The following C12orf56 variants were observed in gnomAD, a reference collection of about 807,000 sequenced individuals.
C12orf56 encodes the protein chromosome 12 open reading frame 56.
In C12orf56, 71 loss-of-function variants were observed where a neutral mutation model predicts 69.9. The ratio of observed to expected loss-of-function variants is 1.02; its 90% CI spans 0.84 to 1.24. The LOEUF (loss-of-function observed/expected upper bound fraction) is 1.24. Ranked by LOEUF, C12orf56 falls within the 50% of genes most tolerant of loss-of-function variation. The probability of loss-of-function intolerance (pLI) is 0.00; values close to 1 mark genes in which losing one functional copy is unlikely to be tolerated. For synonymous variants in C12orf56, 276 were observed against 274.1 expected, an observed-to-expected ratio of 1.01 and a Z score of -0.07; for missense variants, 732 against 738.5, an observed-to-expected ratio of 0.99 and a Z score of 0.10.
intron 1 of C12orf56, among the ~76,000 whole-genome samples, chr12:64,385,927 C>T (rs534320634): frequency 1.2e-4 from 18 of 152,190 alleles, no homozygotes; most frequent in Admixed American, 2.6e-4. Context: ...AGAATCCTCC[C>T]GAGGTGGGAG....
At chr12:64,284,214 C>T (rs1016861560) in intron 8 of C12orf56, among the ~76,000 whole-genome samples, 6 of 152,062 alleles carry the variant, frequency 3.9e-5, no homozygotes, top group Admixed American at 2.0e-4. Context: ...GTCTTTATTA[C>T]AGCAGCTCAC....
intron 6 of C12orf56, among the ~76,000 whole-genome samples, chr12:64,296,996 AT>A (rs1389060392): frequency 2.6e-5 from 4 of 151,980 alleles, no homozygotes; most frequent in African/African-American, 9.7e-5. Context: ...TCAGAAGTAC[AT>A]TCATATTCTT....
At chr12:64,276,550 G>T (rs2038053350) in intron 9 of C12orf56, among the ~76,000 whole-genome samples, 1 of 152,082 alleles carries the variant, frequency 6.6e-6, no homozygotes, top group African/African-American at 2.4e-5. Flanking sequence ...TATACAGTCT[G>T]TAATTATATA....
At chr12:64,300,512 C>G (rs1419567406) in intron 6 of C12orf56, among the ~76,000 whole-genome samples, 1 of 152,144 alleles carries the variant, frequency 6.6e-6, no homozygotes, top group African/African-American at 2.4e-5. Context: ...CACTTTAAAT[C>G]CAGTCCCTGA....
chr12:64,285,139 A>G, intron 7 of C12orf56, among the ~76,000 whole-genome samples: 1 of 151,642 alleles, frequency 6.6e-6, no homozygotes, highest in Non-Finnish European at 1.5e-5. Flanking sequence ...GTGAGCCATG[A>G]TCACACCAAT....
chr12:64,295,845 T>G (rs1565742742), intron 6 of C12orf56, among the ~76,000 whole-genome samples: 1 of 151,350 alleles, frequency 6.6e-6, no homozygotes, highest in Non-Finnish European at 1.5e-5. Context: ...CTCTATATTA[T>G]AGCGTATCTG....
At chr12:64,381,624 A>T (rs1028225037) in intron 1 of C12orf56, among the ~76,000 whole-genome samples, 3 of 152,194 alleles carry the variant, frequency 2.0e-5, no homozygotes, top group Non-Finnish European at 2.9e-5. Context: ...GTTAGGTCAG[A>T]TCTCTTTCAC....
At chr12:64,298,718 C>CT (rs1363013549) in intron 6 of C12orf56, among the ~76,000 whole-genome samples, 1 of 152,160 alleles carries the variant, frequency 6.6e-6, no homozygotes, top group African/African-American at 2.4e-5. Flanking sequence ...TCTGAGGGCT[C>CT]TGTTCTGTTC....
intron 1 of C12orf56, among the ~76,000 whole-genome samples, chr12:64,359,423 G>A (rs11611747): frequency 0.28 from 42,812 of 151,870 alleles, 6,292 homozygotes; most frequent in Middle Eastern, 0.48. Context: ...CCAAGCCAAC[G>A]AACCTAAGAT....
intron 3 of C12orf56, among the ~76,000 whole-genome samples, chr12:64,321,032 C>G (rs1416669895): frequency 6.6e-6 from 1 of 152,198 alleles, no homozygotes; most frequent in African/African-American, 2.4e-5. Context: ...TCTCCCACTT[C>G]TAGAATCACA....
chr12:64,355,667 A>G (rs2135954626), intron 1 of C12orf56: 1 of 152,330 alleles, frequency 6.6e-6, no homozygotes, highest in Non-Finnish European at 1.5e-5. Context: ...TCAGACACCA[A>G]GATAATTCCT....
rs760726138 is a variant in C12orf56 at position 64,318,872 on chromosome 12, G to A, written c.597C>T (p.Ser199=). 1.4e-4 allele frequency: 221 copies of A among 1,537,194 alleles called. No homozygotes were observed. In the East Asian group the frequency reaches 5.3e-3, roughly 37 times the overall value. Residue 199 remains serine, a synonymous_variant, in exon 4 of 13, where the codon TCC becomes TCT. Transcript: ENST00000543942. ...HGQGAFRPLP[S]PSRRSSQSAP... ...CAGACTGAGAGCTCCTCCTGGAGGG[G>A]GAAGGTAGGGGTCGAAAGGCACCTT...
At chr12:64,380,978 C>A (rs2039712879) in intron 1 of C12orf56, among the ~76,000 whole-genome samples, 1 of 152,188 alleles carries the variant, frequency 6.6e-6, no homozygotes, top group African/African-American at 2.4e-5. Context: ...ATGTTGCCTG[C>A]TGCCTAGACA....
chr12:64,306,451 T>G (rs2038513908), intron 5 of C12orf56, among the ~76,000 whole-genome samples: 1 of 151,764 alleles, frequency 6.6e-6, no homozygotes, highest in Admixed American at 6.6e-5. Context: ...AGAGTCTTCT[T>G]CTGTCACCCA....
chr12:64,325,462 T>G (rs986055598), intron 3 of C12orf56, among the ~76,000 whole-genome samples: 3 of 152,156 alleles, frequency 2.0e-5, no homozygotes, highest in African/African-American at 7.2e-5. Context: ...CTACAGTCTA[T>G]TTAACTTTAC....
intron 12 of C12orf56, 34 bp from the exon 13 acceptor site, chr12:64,267,322 T>A: frequency 6.6e-7 from 1 of 1,512,854 alleles, no homozygotes; most frequent in South Asian, 1.2e-5. Flanking sequence ...AATAGAGAGT[T>A]TTAAAAACAA....
Position 64,318,598 on chromosome 12 carries a change from T to C in C12orf56, c.871A>G (p.Ser291Gly). The change falls in exon 4 of 13, where the codon AGT becomes GGT. Residue 291 changes from serine to glycine, a missense_variant. Coordinates refer to ENST00000543942, the MANE Select transcript of C12orf56 (RefSeq NM_001170633.2). ...TTSSIFLHLK[S>G]SWNNYIIKAT... ...ACTATAATATAATTGTTCCATGAAC[T>C]TTTTAAGTGCAGAAATATTGATGAG... 1 of 1,535,326 alleles carries C rather than the reference T, an allele frequency of 6.5e-7. No homozygotes were observed. The highest frequency in any genetic ancestry group is 8.7e-7 in the Non-Finnish European group (1 of 1,145,686).
At chr12:64,321,672 T>A (rs1012608667) in intron 3 of C12orf56, among the ~76,000 whole-genome samples, 1 of 152,100 alleles carries the variant, frequency 6.6e-6, no homozygotes, top group African/African-American at 2.4e-5. Flanking sequence ...TTAACTCATT[T>A]ATTTTTTTAA....
Position 64,274,811 on chromosome 12 carries a change from C to G in C12orf56, c.1584+90G>C, listed in dbSNP as rs2038029405. ...CTGGTTGATAAACTTGATTACATCA[C>G]AGGGAAAATCTGTGTTTTATTAATT... On this transcript the variant is annotated intron_variant, in intron 11 of 12. Transcript: ENST00000543942. The G allele has an allele frequency of 3.4e-5, 34 of 1,000,668 alleles. 1 individual carries two copies. Among genetic ancestry groups the G allele is most frequent in the Non-Finnish European group, 4.6e-5 (31 of 680,436 alleles). The allele number at this position is 1,000,668 out of a possible 1,614,324, so 62.0% of individuals were successfully genotyped here.
Sources: allele counts gnomAD v4.1 joint callset (sites outside exome capture counted in the v4.1 genomes callset), GRCh38; gene constraint gnomAD v4.1.1; transcripts MANE v1.5; gene names NCBI Gene and HGNC (gene_info 2026-07-23, HGNC 2026-07-21).